Variants in KCNIP4 observed in about 807,000 individuals in gnomAD.
The protein encoded by KCNIP4 is Kv channel-interacting protein 4.
Under a neutral mutation model 34.0 loss-of-function variants are expected in KCNIP4, and 12 were observed. The observed-to-expected ratio is 0.35, with a 90% CI of 0.23 to 0.57. KCNIP4 has a LOEUF of 0.57. Ranked by LOEUF, KCNIP4 falls within the 20% of genes least tolerant of loss-of-function variation. The probability of loss-of-function intolerance (pLI) is 0.83; values close to 1 mark genes in which losing one functional copy is unlikely to be tolerated. For missense variants in KCNIP4, 238 were observed against 311.7 expected, an observed-to-expected ratio of 0.76 and a Z score of 1.78; for synonymous variants, 124 against 102.2, an observed-to-expected ratio of 1.21 and a Z score of -1.29.
intron 1 of KCNIP4, among the ~76,000 whole-genome samples, chr4:20,930,910 C>T (rs572881975): frequency 2.0e-4 from 30 of 151,008 alleles, no homozygotes; most frequent in East Asian, 9.7e-4. Flanking sequence ...ACACTGTTGG[C>T]GGGAATTTAG....
At chr4:21,573,285 A>T (rs562365628) in intron 1 of KCNIP4, among the ~76,000 whole-genome samples, 7 of 152,206 alleles carry the variant, frequency 4.6e-5, no homozygotes, top group African/African-American at 1.7e-4. Flanking sequence ...TACATGAATC[A>T]GCATGAATTT....
intron 1 of KCNIP4, among the ~76,000 whole-genome samples, chr4:21,646,086 C>T (rs192835282): frequency 6.6e-6 from 1 of 152,278 alleles, no homozygotes; most frequent in Admixed American, 6.5e-5. Flanking sequence ...TCATAAAGAG[C>T]GTATCACTCA....
intron 1 of KCNIP4, among the ~76,000 whole-genome samples, chr4:21,815,557 A>C (rs986719678): frequency 6.6e-6 from 1 of 152,178 alleles, no homozygotes; most frequent in Non-Finnish European, 1.5e-5. Flanking sequence ...AAAGACCTCA[A>C]GCTTTAACAT....
chr4:21,515,808 C>T (rs924487883), intron 1 of KCNIP4, among the ~76,000 whole-genome samples: 5 of 152,162 alleles, frequency 3.3e-5, no homozygotes, highest in Non-Finnish European at 7.3e-5. Flanking sequence ...ATCTGCTCTT[C>T]CACCATGGGA....
intron 1 of KCNIP4, among the ~76,000 whole-genome samples, chr4:21,772,527 G>T (rs1718872052): frequency 6.6e-6 from 1 of 152,132 alleles, no homozygotes; most frequent in East Asian, 1.9e-4. Flanking sequence ...GTTTCTGGTA[G>T]AATTCAGCTG....
intron 1 of KCNIP4, among the ~76,000 whole-genome samples, chr4:21,226,354 A>AGAAGGAAGCAAGGAAGGAAGGAAG (rs1758399067): frequency 7.4e-6 from 1 of 135,834 alleles, no homozygotes; most frequent in African/African-American, 3.1e-5. Context: ...GAGAAGGAAG[A>AGAAGGAAGCAAGGAAGGAAGGAAG]GAAGGAAGGA....
intron 1 of KCNIP4, among the ~76,000 whole-genome samples, chr4:20,979,368 C>T (rs1735812485): frequency 6.6e-6 from 1 of 151,178 alleles, no homozygotes; most frequent in Admixed American, 6.6e-5. Context: ...GCTACAAAAG[C>T]ATAACTAGTA....
At chr4:21,337,072 A>T (rs534242181) in intron 1 of KCNIP4, among the ~76,000 whole-genome samples, 14 of 151,762 alleles carry the variant, frequency 9.2e-5, no homozygotes, top group African/African-American at 3.4e-4. Flanking sequence ...TCGTAAAAGA[A>T]GACAGTGAAG....
chr4:21,012,942 T>C, intron 1 of KCNIP4, among the ~76,000 whole-genome samples: 1 of 152,192 alleles, frequency 6.6e-6, no homozygotes, highest in African/African-American at 2.4e-5. Flanking sequence ...AATTCCAAGG[T>C]GTGACTCACT....
chr4:21,823,146 C>T (rs967666441), intron 1 of KCNIP4, among the ~76,000 whole-genome samples: 3 of 152,112 alleles, frequency 2.0e-5, no homozygotes, highest in Admixed American at 6.6e-5. Context: ...TTCTCTCTCT[C>T]ACCTTCTTTC....
At chr4:21,707,551 C>A (rs1320235398) in intron 1 of KCNIP4, among the ~76,000 whole-genome samples, 1 of 152,020 alleles carries the variant, frequency 6.6e-6, no homozygotes, top group East Asian at 1.9e-4. Context: ...AGAGGTAAGG[C>A]TCCATTGATG....
chr4:21,745,398 ATTTGT>A (rs1277543393), intron 1 of KCNIP4, among the ~76,000 whole-genome samples: 2 of 152,170 alleles, frequency 1.3e-5, no homozygotes, highest in African/African-American at 4.8e-5. Context: ...GAAATAGAAG[ATTTGT>A]TTTAAGTGAG....
intron 1 of KCNIP4, among the ~76,000 whole-genome samples, chr4:21,414,834 T>C (rs1245391364): frequency 6.6e-6 from 1 of 152,166 alleles, no homozygotes; most frequent in South Asian, 2.1e-4. Flanking sequence ...TATGGGCACA[T>C]GGTGTATATA....
chr4:21,560,207 G>A (rs1739401614), intron 1 of KCNIP4, among the ~76,000 whole-genome samples: 1 of 151,990 alleles, frequency 6.6e-6, no homozygotes, highest in Admixed American at 6.6e-5. Context: ...GTATCCTGAT[G>A]CAAAATGTTC....
At chr4:21,843,479 T>G (rs1578059510) in intron 1 of KCNIP4, 1 of 152,060 alleles carries the variant, frequency 6.6e-6, no homozygotes, top group African/African-American at 2.4e-5. Context: ...AATTTGGTCC[T>G]AAAATCCAGG....
chr4:21,319,607 T>A (rs2109296988), intron 1 of KCNIP4, among the ~76,000 whole-genome samples: 1 of 152,306 alleles, frequency 6.6e-6, no homozygotes, highest in Non-Finnish European at 1.5e-5. Flanking sequence ...GATAAATATC[T>A]ATGCACACTG....
chr4:21,724,561 A>C (rs1715055847), intron 1 of KCNIP4, among the ~76,000 whole-genome samples: 2 of 131,794 alleles, frequency 1.5e-5, no homozygotes, highest in Non-Finnish European at 3.1e-5. Flanking sequence ...ACATAGGCTC[A>C]GTGAGGGCCT....
intron 1 of KCNIP4, among the ~76,000 whole-genome samples, chr4:21,587,150 T>C (rs1159625511): frequency 6.6e-6 from 1 of 152,082 alleles, no homozygotes; most frequent in Non-Finnish European, 1.5e-5. Context: ...GCTATGTAGA[T>C]GGTTAGATTT....
chr4:20,884,947 C>T (rs1265755817), intron 1 of KCNIP4, among the ~76,000 whole-genome samples: 1 of 152,084 alleles, frequency 6.6e-6, no homozygotes, highest in Non-Finnish European at 1.5e-5. Flanking sequence ...GTGATCCACC[C>T]ACCTTGGCCT....
Sources: allele counts gnomAD v4.1 joint callset (sites outside exome capture counted in the v4.1 genomes callset), GRCh38; gene constraint gnomAD v4.1.1; transcripts MANE v1.5; gene names NCBI Gene and HGNC (gene_info 2026-07-23, HGNC 2026-07-21).